Variants in MARVELD2 observed in about 807,000 individuals in gnomAD.
The protein encoded by MARVELD2 is MARVEL domain containing 2, also known as MARVEL domain-containing protein 2.
In MARVELD2, 49 loss-of-function variants were observed where a neutral mutation model predicts 57.6. The observed-to-expected ratio is 0.85, with a 90% CI of 0.68 to 1.08. MARVELD2 has a LOEUF of 1.08. MARVELD2 is among the 50% of genes least tolerant of loss of function. The pLI, the probability that MARVELD2 is intolerant of heterozygous loss-of-function variation, is 0.00. For synonymous variants in MARVELD2, 238 were observed against 258.8 expected (o/e 0.92, Z 0.77); for missense variants, 606 against 701.1 (o/e 0.86, Z 1.53).
intron 3 of MARVELD2, among the ~76,000 whole-genome samples, chr5:69,424,943 T>G (rs1284280470): frequency 6.6e-6 from 1 of 151,898 alleles, no homozygotes. Flanking sequence ...GAGAACCACT[T>G]GAATCTGGGA....
intron 3 of MARVELD2, among the ~76,000 whole-genome samples, chr5:69,425,477 C>T (rs934950113): frequency 1.3e-5 from 2 of 149,332 alleles, no homozygotes; most frequent in Non-Finnish European, 3.0e-5. Flanking sequence ...AGCTTTTTTC[C>T]AGATACTAAA....
At chr5:69,430,557 G>T (rs930344666) in intron 3 of MARVELD2, among the ~76,000 whole-genome samples, 1 of 150,230 alleles carries the variant, frequency 6.7e-6, no homozygotes, top group African/African-American at 2.4e-5. Flanking sequence ...TTTTTGAGAC[G>T]GCGTCTCGCT....
chr5:69,441,841 T>C lies in MARVELD2; in HGVS notation c.*187T>C. On this transcript the variant is annotated 3_prime_UTR_variant, in exon 7 of 7. Transcript: ENST00000325631. ...AGTAGCTGGGATTACAGGCGTGCGCTGCCACACCCCGCTAATTTTTGTATT... is the reference window on the plus strand; with the variant it reads ...AGTAGCTGGGATTACAGGCGTGCGCCGCCACACCCCGCTAATTTTTGTATT... 1 of 424,986 alleles carries C rather than the reference T, an allele frequency of 2.4e-6. No homozygotes were observed. Among genetic ancestry groups the C allele is most frequent in the Non-Finnish European group, 4.3e-6 (1 of 230,908 alleles). 26.3% of individuals were successfully genotyped at this position (424,986 alleles called of 1,614,324 possible).
chr5:69,441,610 G>A lies in MARVELD2; in HGVS notation c.1633G>A (p.Glu545Lys), dbSNP rs1561305497. ...TTCTCACATAAAGCAAAGAATTCAA[G>A]AATATGATAAAGTAATGAATTGGGA... is the stretch of plus-strand genomic sequence containing the variant. ...KLSHIKQRIQ[E>K]YDKVMNWDVQ... Residue 545 changes from glutamate to lysine, a missense_variant, in exon 7 of 7, where the codon GAA becomes AAA. Coordinates refer to ENST00000325631, the MANE Select transcript of MARVELD2 (RefSeq NM_001038603.3). The A allele has an allele frequency of 6.3e-7, 1 of 1,595,246 alleles. No individual in the cohort carries two copies. Among genetic ancestry groups the A allele is most frequent in the Non-Finnish European group, 8.6e-7 (1 of 1,163,614 alleles).
rs537414837 is a variant in MARVELD2 at position 69,432,840 on chromosome 5, A to G, written c.1332-82A>G. The G allele has an allele frequency of 8.0e-5, 125 of 1,564,782 alleles. 1 individual carries two copies. In the South Asian group the frequency reaches 1.3e-3, roughly 16 times the overall value. Reference sequence around the variant, plus strand: ...ATTGAATTGAAGGTACAATATGATCAGTAAGGAATAAGATAAGCTGATTTC... The same window carrying G: ...ATTGAATTGAAGGTACAATATGATCGGTAAGGAATAAGATAAGCTGATTTC... On this transcript the variant is annotated intron_variant, in intron 4 of 6. Transcript: ENST00000325631.
At chr5:69,436,746 T>C (rs1767156440) in intron 5 of MARVELD2, among the ~76,000 whole-genome samples, 1 of 151,838 alleles carries the variant, frequency 6.6e-6, no homozygotes, top group African/African-American at 2.4e-5. Context: ...GTCAAAGGAG[T>C]GCAGGAAGGC....
At chr5:69,426,551 T>C (rs1766800255) in intron 3 of MARVELD2, among the ~76,000 whole-genome samples, 1 of 151,892 alleles carries the variant, frequency 6.6e-6, no homozygotes, top group South Asian at 2.1e-4. Context: ...GTCAGGCTGG[T>C]CTCGAACCCC....
At chr5:69,434,622 C>G (rs1217723491) in intron 5 of MARVELD2, among the ~76,000 whole-genome samples, 4 of 152,194 alleles carry the variant, frequency 2.6e-5, no homozygotes, top group Non-Finnish European at 5.9e-5. Context: ...TCCGCACCCC[C>G]CACATTTTTC....
At chr5:69,424,854 G>A (rs999212825) in intron 3 of MARVELD2, among the ~76,000 whole-genome samples, 2 of 151,946 alleles carry the variant, frequency 1.3e-5, no homozygotes, top group Admixed American at 6.6e-5. Context: ...GTGAAACCCT[G>A]TCTCTACCAA....
At position 69,432,444 on chromosome 5, in the gene MARVELD2, T is replaced by C. The variant is rs144355720; in HGVS notation, c.1183-83T>C. 38 of 1,475,358 alleles carry C rather than the reference T, an allele frequency of 2.6e-5. No individual in the cohort carries two copies. The African/African-American group carries it at 3.9e-4, about 15-fold the overall frequency. The allele number at this position is 1,475,358 out of a possible 1,614,324, so 91.4% of individuals were successfully genotyped here. A position where few individuals can be genotyped will look rare whatever the true frequency, so the allele number is the denominator to read the frequency against. On this transcript the variant is annotated intron_variant, in intron 3 of 6. Coordinates refer to ENST00000325631, the MANE Select transcript of MARVELD2 (RefSeq NM_001038603.3). ...GTTTGAGCCACCCCACCTGATCTTC[T>C]TCCTCATTTTCTAAGAATGAATTCA...
At chr5:69,420,654 C>A in intron 2 of MARVELD2, 123 bp downstream of exon 2, 1 of 769,144 alleles carries the variant, frequency 1.3e-6, no homozygotes, top group Non-Finnish European at 2.0e-6. Context: ...TTCTTTCTTC[C>A]TTTTTTTTTT....
At chr5:69,432,800 T>A in intron 4 of MARVELD2, 122 bp from the exon 5 acceptor site, 2 of 1,542,288 alleles carry the variant, frequency 1.3e-6, no homozygotes, top group Non-Finnish European at 9.0e-7. Context: ...ATAGTTGTTA[T>A]CTGAGAGGTA....
At chr5:69,419,021 G>A (rs375246892) in intron 1 of MARVELD2, 70 of 246,796 alleles carry the variant, frequency 2.8e-4, no homozygotes, top group African/African-American at 1.5e-3. Flanking sequence ...TCTGCCTCCC[G>A]GGTTCAAGCG....
chr5:69,419,092 G>C (rs947651696), intron 1 of MARVELD2: 4 of 482,190 alleles, frequency 8.3e-6, no homozygotes, highest in Non-Finnish European at 1.5e-5. Flanking sequence ...CGCCTGGCTA[G>C]TTTTTGTATT....
rs1264640823 is a variant in MARVELD2, at chr5:69,419,445, C to T, written c.60C>T (p.Asp20=). The T allele has an allele frequency of 3.1e-6, 5 of 1,614,056 alleles. No individual in the cohort carries two copies. The highest frequency in any genetic ancestry group is 4.2e-6 in the Non-Finnish European group (5 of 1,180,056). Residue 20 remains aspartate, a synonymous_variant, in exon 2 of 7, where the codon GAC becomes GAT. Coordinates refer to ENST00000325631, the MANE Select transcript of MARVELD2 (RefSeq NM_001038603.3). Reference sequence around the variant, plus strand: ...GGCGCTACGATGAGGTCCCAAGCGACCTGCCCTATCAAGATACCACCATAA... The same window carrying T: ...GGCGCTACGATGAGGTCCCAAGCGATCTGCCCTATCAAGATACCACCATAA... The part of the protein sequence containing the change: ...RDRRYDEVPS[D]LPYQDTTIRT...
rs575972006 is a variant in MARVELD2, at chr5:69,439,530, G to C, written c.1504-920G>C. ...GTACTTTGGGAGGCCAAGGTGGGTGGATCACTTGAGGCCAGGAGTTCGAGA... is the reference window on the plus strand; with the variant it reads ...GTACTTTGGGAGGCCAAGGTGGGTGCATCACTTGAGGCCAGGAGTTCGAGA... On this transcript the variant is annotated intron_variant, in intron 5 of 6. Transcript: ENST00000325631. Among the ~76,000 whole-genome samples, 54 of 151,490 alleles carry C rather than the reference G, an allele frequency of 3.6e-4. 1 individual carries two copies. In the South Asian group the frequency reaches 0.011, roughly 31 times the overall value.
rs556047320 is a variant in MARVELD2, at chr5:69,419,839, G to T, written c.454G>T (p.Ala152Ser). The change falls in exon 2 of 7, where the codon GCA becomes TCA. Residue 152 changes from alanine to serine, a missense_variant. Ala to Ser is a moderately conservative substitution (Grantham distance 99). Coordinates refer to ENST00000325631, the MANE Select transcript of MARVELD2 (RefSeq NM_001038603.3). ...CTTTAGTTCCCGGAAAGAGGCTGAC[G>T]CAGTGTTTCCCCGGGATCCCTATGG... ...GTFSSRKEADAVFPRDPYGSL... is the reference protein window; with the variant it reads ...GTFSSRKEADSVFPRDPYGSL... 4 of 1,614,168 alleles carry T rather than the reference G, an allele frequency of 2.5e-6. No homozygotes were observed. Among genetic ancestry groups the T allele is most frequent in the East Asian group, 2.2e-5 (1 of 44,888 alleles).
chr5:69,422,793 CAT>C (rs915070365), intron 2 of MARVELD2, among the ~76,000 whole-genome samples: 3 of 152,186 alleles, frequency 2.0e-5, no homozygotes, highest in African/African-American at 4.8e-5. Context: ...AACCTGCCGA[CAT>C]GTGATGTCTC....
intron 5 of MARVELD2, among the ~76,000 whole-genome samples, chr5:69,435,103 A>G (rs375084247): frequency 8.5e-4 from 128 of 150,906 alleles, no homozygotes; most frequent in African/African-American, 3.0e-3. Flanking sequence ...GCTCACTGCA[A>G]CCTTTGCCTC....
Sources: allele counts gnomAD v4.1 joint callset (sites outside exome capture counted in the v4.1 genomes callset), GRCh38; gene constraint gnomAD v4.1.1; transcripts MANE v1.5; gene names NCBI Gene and HGNC (gene_info 2026-07-23, HGNC 2026-07-21).